SEMA3G: variants seen among roughly 807,000 people sequenced by gnomAD.
SEMA3G encodes the protein semaphorin 3G, also known as semaphorin-3G.
Under a neutral mutation model 86.2 loss-of-function variants are expected in SEMA3G, and 70 were observed. That is an observed-to-expected ratio of 0.81 (90% confidence interval 0.67 to 0.99). The LOEUF is 0.99. Ranked by LOEUF, SEMA3G falls within the 50% of genes least tolerant of loss-of-function variation. The probability of loss-of-function intolerance (pLI) is 0.00; values close to 1 mark genes in which losing one functional copy is unlikely to be tolerated. For synonymous variants in SEMA3G, 416 were observed against 441.4 expected (o/e 0.94, Z 0.72); for missense variants, 1,002 against 1,072.4 (o/e 0.93, Z 0.92).
chr3:52,437,727 C>T, intron 14 of SEMA3G, 61 bp from the exon 15 acceptor site: 1 of 1,549,476 alleles, frequency 6.5e-7, no homozygotes, highest in Non-Finnish European at 8.8e-7. Flanking sequence ...CCAGTGCCAC[C>T]ACCTGACACC....
intron 15 of SEMA3G, among the ~76,000 whole-genome samples, chr3:52,436,564 A>AGACGCACACACACACAGG (rs1706052879): frequency 6.6e-6 from 1 of 152,202 alleles, no homozygotes; most frequent in Non-Finnish European, 1.5e-5. Flanking sequence ...ACACACACAG[A>AGACGCACACACACACAGG]GACACACACA....
intron 15 of SEMA3G, 139 bp from the exon 16 acceptor site, chr3:52,436,212 C>G (rs1706048141): frequency 1.4e-6 from 2 of 1,419,922 alleles, no homozygotes; most frequent in African/African-American, 1.4e-5. Flanking sequence ...CAGGAGGGGA[C>G]CAGCAGCGTG....
chr3:52,439,893 G>A lies in SEMA3G; in HGVS notation c.1349C>T (p.Thr450Ile). The A allele has an allele frequency of 6.2e-7, 1 of 1,613,636 alleles. No homozygotes were observed. Among genetic ancestry groups the A allele is most frequent in the South Asian group, 1.1e-5 (1 of 91,060 alleles). ...VVDRVEAEDG[T>I]YDVIFLGTDS... Reference sequence around the variant, plus strand: ...AGTCCCCAGGAAAATGACATCGTAGGTCCCATCCTCTGCCTCCACGCGGTC... The same window carrying A: ...AGTCCCCAGGAAAATGACATCGTAGATCCCATCCTCTGCCTCCACGCGGTC... Residue 450 changes from threonine (T) to isoleucine (I), a missense_variant, in exon 11 of 16, where the codon ACC (threonine) becomes ATC (isoleucine). By Grantham distance (89) the Thr-to-Ile change is moderately conservative. Coordinates refer to ENST00000231721, the MANE Select transcript of SEMA3G (RefSeq NM_020163.3).
rs1350703850 is a variant in SEMA3G at position 52,433,080 on chromosome 3, A to G, written c.*2523T>C. On this transcript the variant is annotated 3_prime_UTR_variant, in exon 16 of 16. Transcript: ENST00000231721. ...CCAGGATGTTCCTCATTTAATGAGC[A>G]ATCTCGGCTTTGTACAAAGCCCTCT... The G allele has an allele frequency of 6.6e-6, 1 of 151,994 alleles. No individual in the cohort carries two copies. Among genetic ancestry groups the G allele is most frequent in the Non-Finnish European group, 1.5e-5 (1 of 67,972 alleles). 9.4% of individuals were successfully genotyped at this position (151,994 alleles called of 1,614,324 possible).
At chr3:52,438,781 G>A (rs1706093929) in intron 13 of SEMA3G, 139 bp downstream of exon 13, 4 of 1,490,074 alleles carry the variant, frequency 2.7e-6, no homozygotes, top group Non-Finnish European at 3.6e-6. Context: ...CTTGTTGCAG[G>A]GGCGAATCAG....
chr3:52,440,207 G>T (rs1031813415), intron 10 of SEMA3G, 109 bp from the exon 11 acceptor site: 29 of 1,207,772 alleles, frequency 2.4e-5, no homozygotes, highest in Non-Finnish European at 3.2e-5. Context: ...CTGCAGGAGG[G>T]CTCTCCTCTT....
At chr3:52,444,725 AC>A (rs1706230135) in intron 1 of SEMA3G, among the ~76,000 whole-genome samples, 187 bp downstream of exon 1, 1 of 12,498 alleles carries the variant, frequency 8.0e-5, no homozygotes, top group East Asian at 8.1e-3. Context: ...GCACACAAAC[AC>A]GGCACACGCA....
chr3:52,439,112 T>C, intron 12 of SEMA3G, 151 bp from the exon 13 acceptor site: 2 of 821,362 alleles, frequency 2.4e-6, no homozygotes, highest in South Asian at 3.5e-5. Context: ...AGACAGTCTT[T>C]CCCAGACGAT....
In SEMA3G at chr3:52,440,469, C is replaced by A. The variant is rs138874526; in HGVS notation, c.1051G>T (p.Glu351Ter). The change falls in exon 10 of 16, where the codon GAG (glutamate) becomes TAG (stop). Residue 351 changes from glutamate to a stop codon, truncating the protein, a stop_gained. Transcript: ENST00000231721. LOFTEE classifies it high-confidence loss of function. ...VCVYHMADIW[E>*]VFNGPFAHRD... The stretch of plus-strand genomic sequence containing the variant: ...TGGGCAAAGGGCCCGTTGAAAACCT[C>A]CCAGATGTCTGCCATGTGGTACACA... The A allele has an allele frequency of 1.9e-6, 3 of 1,611,602 alleles. No homozygotes were observed. The African/African-American group carries it at 4.0e-5, about 22-fold the overall frequency.
Position 52,442,906 on chromosome 3 carries a change from G to T in SEMA3G, c.117C>A (p.Asp39Glu), listed in dbSNP as rs754075739. ...SVPRLRLSYRDLLSANRSAIF... is the reference protein window; with the variant it reads ...SVPRLRLSYRELLSANRSAIF... ...TGGCAGAGCGGTTGGCAGACAGGAG[G>T]TCTAGGAGGATGTATGGGGAGGCAG... Residue 39 changes from aspartate to glutamate, a missense_variant and splice_region_variant, in exon 2 of 16, where the codon GAC becomes GAA. Physicochemically the swap from Asp to Glu is conservative, Grantham distance 45. Coordinates refer to ENST00000231721, the MANE Select transcript of SEMA3G (RefSeq NM_020163.3). The surrounding 1 kb of genome is among the most constrained non-coding windows in gnomAD (Gnocchi z 6.1). 5 of 1,589,970 alleles carry T rather than the reference G, an allele frequency of 3.1e-6. No homozygotes were observed. Among genetic ancestry groups the T allele is most frequent in the Non-Finnish European group, 4.3e-6 (5 of 1,168,012 alleles).
intron 15 of SEMA3G, among the ~76,000 whole-genome samples, chr3:52,436,412 C>T (rs1383088857): frequency 6.6e-6 from 1 of 152,254 alleles, no homozygotes; most frequent in South Asian, 2.1e-4. Flanking sequence ...ATCCCCTTAG[C>T]CCTTCTGGAG....
chr3:52,434,553 AG>A lies in SEMA3G; in HGVS notation c.*1049del, dbSNP rs1246788872. The A allele has an allele frequency of 1.3e-5, 2 of 152,198 alleles. No homozygotes were observed. Among genetic ancestry groups the A allele is most frequent in the Non-Finnish European group, 2.9e-5 (2 of 68,018 alleles). 9.4% of individuals were successfully genotyped at this position (152,198 alleles called of 1,614,324 possible). A position where few individuals can be genotyped will look rare whatever the true frequency, so the allele number is the denominator to read the frequency against. ...TGCCTGGGTCCCACAATCTATCCTA[AG>A]GGTCTCCTGCCCTCTATCCATCTCC... On this transcript the variant is annotated 3_prime_UTR_variant, in exon 16 of 16. Transcript: ENST00000231721. This position sits in a 1 kb window ranked among gnomAD's most constrained non-coding sequence, Gnocchi z 5.2.
In SEMA3G at chr3:52,434,624, T is replaced by G. The variant is rs1344205938; in HGVS notation, c.*979A>C. 1 of 152,256 alleles carries G rather than the reference T, an allele frequency of 6.6e-6. No homozygotes were observed. Among genetic ancestry groups the G allele is most frequent in the Non-Finnish European group, 1.5e-5 (1 of 68,082 alleles). The allele number at this position is 152,256 out of a possible 1,614,324, so 9.4% of individuals were successfully genotyped here. A position where few individuals can be genotyped will look rare whatever the true frequency, so the allele number is the denominator to read the frequency against. On this transcript the variant is annotated 3_prime_UTR_variant, in exon 16 of 16. Transcript: ENST00000231721. This position sits in a 1 kb window ranked among gnomAD's most constrained non-coding sequence, Gnocchi z 5.2. ...CATCCCTGGCCCTGATTCTGAGGGC[T>G]GCAGGGCTCACAGAGCCTCCACATT... is the stretch of plus-strand genomic sequence containing the variant.
At position 52,444,915 on chromosome 3, in the gene SEMA3G, C is replaced by A; in HGVS notation, c.113G>T (p.Arg38Leu). 2.3e-6 allele frequency: 3 copies of A among 1,302,506 alleles called. No individual in the cohort carries two copies. Among genetic ancestry groups the A allele is most frequent in the Non-Finnish European group, 2.9e-6 (3 of 1,020,124 alleles). 80.7% of individuals were successfully genotyped at this position (1,302,506 alleles called of 1,614,324 possible). A position where few individuals can be genotyped will look rare whatever the true frequency, so the allele number is the denominator to read the frequency against. ...PSVPRLRLSYRDLLSANRSAI... is the reference protein window; with the variant it reads ...PSVPRLRLSYLDLLSANRSAI... ...ACAGGGCACGCAGGGGCTGGTACCT[C>A]GGTAGGAGAGCCGCAGGCGGGGCAC... The change falls in exon 1 of 16, where the codon CGA becomes CTA. Residue 38 changes from arginine (R) to leucine (L), a missense_variant and splice_region_variant. Coordinates refer to ENST00000231721, the MANE Select transcript of SEMA3G (RefSeq NM_020163.3).
Position 52,436,087 on chromosome 3 carries a change from G to C in SEMA3G, c.1879-14C>G. On this transcript the variant is annotated splice_polypyrimidine_tract_variant and intron_variant, in intron 15 of 15. Coordinates refer to ENST00000231721, the MANE Select transcript of SEMA3G (RefSeq NM_020163.3). ...GTCCGTCTTCACCTGCCATGCGGGC[G>C]GGAGGGCGTGAGTAGGGTGCAAGGT... The C allele has an allele frequency of 6.3e-7, 1 of 1,596,404 alleles. No homozygotes were observed. The highest frequency in any genetic ancestry group is 1.7e-4 in the Middle Eastern group (1 of 5,972).
chr3:52,438,243 G>A (rs900188688), intron 13 of SEMA3G, 44 bp from the exon 14 acceptor site: 47 of 1,550,584 alleles, frequency 3.0e-5, no homozygotes, highest in Non-Finnish European at 4.0e-5. Context: ...CCCAGGCTTC[G>A]CCCACACGCA....
intron 13 of SEMA3G, 87 bp downstream of exon 13, chr3:52,438,833 G>A (rs1706094618): frequency 5.1e-6 from 8 of 1,578,372 alleles, no homozygotes; most frequent in African/African-American, 1.3e-5. Flanking sequence ...AGTGGAGCTC[G>A]AGGAGGCTGC....
chr3:52,436,653 GC>G (rs1706054037), intron 15 of SEMA3G, among the ~76,000 whole-genome samples: 2 of 152,236 alleles, frequency 1.3e-5, no homozygotes, highest in African/African-American at 4.8e-5. Context: ...TGGGCTGATC[GC>G]CCATCACAGC....
chr3:52,442,606 G>A lies in SEMA3G; in HGVS notation c.292C>T (p.Gln98Ter). 1 of 1,614,140 alleles carries A rather than the reference G, an allele frequency of 6.2e-7. No homozygotes were observed. The highest frequency in any genetic ancestry group is 8.5e-7 in the Non-Finnish European group (1 of 1,179,992). Reference sequence around the variant, plus strand: ...ACACACTCCTCCCTCTGTCCTGGCTGCGGTGGCCACAGGACCTGGAACACA... The same window carrying A: ...ACACACTCCTCCCTCTGTCCTGGCTACGGTGGCCACAGGACCTGGAACACA... ...PDPREVLWPP[Q>*]PGQREECVRK... Residue 98 changes from glutamine (Q) to a stop codon, truncating the protein, a stop_gained, in exon 3 of 16, where the codon CAG becomes TAG. Transcript: ENST00000231721. LOFTEE classifies it high-confidence loss of function. This position sits in a 1 kb window ranked among gnomAD's most constrained non-coding sequence, Gnocchi z 6.1.
Sources: gnomAD v4.1 joint callset for allele counts (sites outside exome capture counted in the v4.1 genomes callset) on GRCh38, gnomAD v4.1.1 for gene constraint, Gnocchi (gnomAD v3.1) non-coding constraint, MANE v1.5 for transcripts, NCBI Gene and HGNC (gene_info 2026-07-23, HGNC 2026-07-21) for gene names.